The following AQP9 variants were observed in gnomAD, a reference collection of about 807,000 sequenced individuals.
The protein encoded by AQP9 is aquaporin-9.
A neutral mutation model predicts 23.8 loss-of-function variants in AQP9; 19 were observed. That is an observed-to-expected ratio of 0.80 (90% CI 0.56 to 1.17). The LOEUF is 1.17. Among genes scored for constraint, AQP9 ranks in the 50% most tolerant of loss-of-function variants. The pLI is 0.00. For missense variants in AQP9, 413 were observed against 362.0 expected, an observed-to-expected ratio of 1.14 and a Z score of -1.14; for synonymous variants, 153 against 131.5, an observed-to-expected ratio of 1.16 and a Z score of -1.12.
intron 1 of AQP9, among the ~76,000 whole-genome samples, chr15:58,160,971 G>A (rs1009653044): frequency 6.6e-6 from 1 of 152,170 alleles, no homozygotes; most frequent in Admixed American, 6.5e-5. Context: ...GGCTGATGCA[G>A]AAGATCTGTG....
rs1000696056 is a variant in AQP9, at chr15:58,169,885, T to C, written c.238+3086T>C. Reference sequence around the variant, plus strand: ...TTATTGAAAAAGCAAATAGACTTGCTTTCATTACAAAATATAGGGTTATCT... The same window carrying C: ...TTATTGAAAAAGCAAATAGACTTGCCTTCATTACAAAATATAGGGTTATCT... On this transcript the variant is annotated intron_variant, in intron 2 of 5. Coordinates refer to ENST00000219919, the MANE Select transcript of AQP9 (RefSeq NM_020980.5). Among the ~76,000 whole-genome samples, 5 of 152,184 alleles carry C rather than the reference T, an allele frequency of 3.3e-5. No homozygotes were observed. In the East Asian group the frequency reaches 7.7e-4, roughly 23 times the overall value.
intron 5 of AQP9, among the ~76,000 whole-genome samples, chr15:58,182,779 C>G (rs1489710094): frequency 1.3e-5 from 2 of 152,140 alleles, no homozygotes; most frequent in East Asian, 1.9e-4. Context: ...TTCCATCAAC[C>G]CTGCAAGGGC....
At chr15:58,157,434 G>T (rs1017460598) in intron 1 of AQP9, among the ~76,000 whole-genome samples, 7 of 152,150 alleles carry the variant, frequency 4.6e-5, no homozygotes, top group African/African-American at 1.7e-4. Flanking sequence ...TTTGACTTTA[G>T]CTAAATAAAA....
intron 1 of AQP9, among the ~76,000 whole-genome samples, chr15:58,149,901 G>A (rs1898116122): frequency 6.6e-6 from 1 of 152,208 alleles, no homozygotes. Flanking sequence ...CTTAGACAAA[G>A]TTTTGCCTAT....
intron 1 of AQP9, among the ~76,000 whole-genome samples, chr15:58,142,898 A>G (rs1897975994): frequency 6.6e-6 from 1 of 152,178 alleles, no homozygotes; most frequent in Non-Finnish European, 1.5e-5. Context: ...CTAGATCAGA[A>G]GCCCCTACTG....
chr15:58,170,901 C>T (rs73426185), intron 2 of AQP9, among the ~76,000 whole-genome samples: 4,094 of 152,058 alleles, frequency 0.027, 187 homozygotes, highest in African/African-American at 0.095. Context: ...GGGAGTTGGA[C>T]TGGAGGTGAT....
intron 2 of AQP9, among the ~76,000 whole-genome samples, chr15:58,167,290 A>G (rs1354831578): frequency 6.6e-6 from 1 of 152,200 alleles, no homozygotes; most frequent in African/African-American, 2.4e-5. Context: ...CTGAAAAGTA[A>G]ACTGATTAGA....
chr15:58,143,053 A>C (rs546577220), intron 1 of AQP9, among the ~76,000 whole-genome samples: 8 of 152,330 alleles, frequency 5.3e-5, no homozygotes, highest in African/African-American at 1.9e-4. Flanking sequence ...AGACACCCAC[A>C]GTCTTGCAGC....
chr15:58,174,614 G>A lies in AQP9; in HGVS notation c.377-304G>A, dbSNP rs797007277. Among the ~76,000 whole-genome samples the A allele has an allele frequency of 2.0e-5, 3 of 152,194 alleles. No homozygotes were observed. The South Asian group carries it at 6.2e-4, about 32-fold the overall frequency. ...CCAAGCCCCACTTTGGCTTACAGTTGACCTCGAAAACTCCAAGAATTCCCC... is the reference window on the plus strand; with the variant it reads ...CCAAGCCCCACTTTGGCTTACAGTTAACCTCGAAAACTCCAAGAATTCCCC... On this transcript the variant is annotated intron_variant, in intron 3 of 5. Coordinates refer to ENST00000219919, the MANE Select transcript of AQP9 (RefSeq NM_020980.5).
intron 2 of AQP9, among the ~76,000 whole-genome samples, 186 bp downstream of exon 2, chr15:58,166,985 G>T (rs1264685334): frequency 6.6e-6 from 1 of 152,214 alleles, no homozygotes; most frequent in African/African-American, 2.4e-5. Context: ...ATTATGCAAA[G>T]GCAACATTTA....
At chr15:58,173,850 A>G (rs138984539) in intron 3 of AQP9, among the ~76,000 whole-genome samples, 16 of 152,364 alleles carry the variant, frequency 1.1e-4, no homozygotes, top group African/African-American at 3.8e-4. Context: ...CTTTCAAACT[A>G]AAACACCTTG....
Position 58,138,510 on chromosome 15 carries a change from G to A in AQP9, c.-56G>A. 7.1e-7 allele frequency: 1 copy of A among 1,414,308 alleles called. No individual in the cohort carries two copies. The allele number at this position is 1,414,308 out of a possible 1,614,324, so 87.6% of individuals were successfully genotyped here. A position where few individuals can be genotyped will look rare whatever the true frequency, so the allele number is the denominator to read the frequency against. The stretch of plus-strand genomic sequence containing the variant: ...TCCATTTTCATCTGGCTGTGAAAGT[G>A]AGGACCACAACAGGTAGGTATTGGT... On this transcript the variant is annotated 5_prime_UTR_variant, in exon 1 of 6. Transcript: ENST00000219919.
intron 1 of AQP9, chr15:58,152,204 C>A (rs138901103): frequency 1.3e-5 from 2 of 152,314 alleles, no homozygotes; most frequent in African/African-American, 4.8e-5. Context: ...CTAATAGCCT[C>A]TTGATGACTT....
At chr15:58,160,368 ATTGAG>A (rs1898349949) in intron 1 of AQP9, among the ~76,000 whole-genome samples, 1 of 151,636 alleles carries the variant, frequency 6.6e-6, no homozygotes, top group African/African-American at 2.4e-5. Flanking sequence ...TTTGTTTGCT[ATTGAG>A]TTGTTTGAGC....
At position 58,179,249 on chromosome 15, in the gene AQP9, C is replaced by T. The variant is rs137909533; in HGVS notation, c.617C>T (p.Ser206Phe). 6.2e-7 allele frequency: 1 copy of T among 1,614,186 alleles called. No individual in the cohort carries two copies. Among genetic ancestry groups the T allele is most frequent in the South Asian group, 1.1e-5 (1 of 91,074 alleles). ...CTCCTGATTATTGTCATTGCTTCCTCCCTGGGACTGAACAGTGGCTGTGCC... is the reference window on the plus strand; with the variant it reads ...CTCCTGATTATTGTCATTGCTTCCTTCCTGGGACTGAACAGTGGCTGTGCC... ...IGLLIIVIAS[S>F]LGLNSGCAMN... is the part of the protein sequence containing the mutation. The change falls in exon 5 of 6, where the codon TCC becomes TTC. Residue 206 changes from serine (S) to phenylalanine (F), a missense_variant. Physicochemically the swap from Ser to Phe is radical, Grantham distance 155 (BLOSUM62 -2). Coordinates refer to ENST00000219919, the MANE Select transcript of AQP9 (RefSeq NM_020980.5).
chr15:58,140,826 T>C (rs557167310), intron 1 of AQP9, among the ~76,000 whole-genome samples: 278 of 152,256 alleles, frequency 1.8e-3, no homozygotes, highest in African/African-American at 6.5e-3. Context: ...TTTCAAAAAC[T>C]GCTCTTATGG....
At chr15:58,176,159 G>C (rs8023365) in intron 4 of AQP9, among the ~76,000 whole-genome samples, 1 of 152,166 alleles carries the variant, frequency 6.6e-6, no homozygotes, top group Non-Finnish European at 1.5e-5. Flanking sequence ...ATTGTAAGCA[G>C]TATCTGCCCA....
At position 58,184,966 on chromosome 15, in the gene AQP9, C is replaced by T. The variant is rs984254925; in HGVS notation, c.*831C>T. 2 of 151,910 alleles carry T rather than the reference C, an allele frequency of 1.3e-5. No homozygotes were observed. Among genetic ancestry groups the T allele is most frequent in the African/African-American group, 2.4e-5 (1 of 41,368 alleles). 9.4% of individuals were successfully genotyped at this position (151,910 alleles called of 1,614,324 possible). A position where few individuals can be genotyped will look rare whatever the true frequency, so the allele number is the denominator to read the frequency against. ...TCCTAATTGCCCACTTGAGAACAGA[C>T]ATTTGACAAGTTATATCAACGACTG... On this transcript the variant is annotated 3_prime_UTR_variant, in exon 6 of 6. Transcript: ENST00000219919.
intron 5 of AQP9, among the ~76,000 whole-genome samples, chr15:58,182,733 G>A (rs554468153): frequency 6.6e-6 from 1 of 152,280 alleles, no homozygotes; most frequent in East Asian, 1.9e-4. Context: ...TGGTAAGAGT[G>A]ACATCTGGTG....
Sources: allele counts gnomAD v4.1 joint callset (sites outside exome capture counted in the v4.1 genomes callset), GRCh38; gene constraint gnomAD v4.1.1; transcripts MANE v1.5; gene names NCBI Gene and HGNC (gene_info 2026-07-23, HGNC 2026-07-21).